The following ANK3 variants were observed in gnomAD, a reference collection of about 807,000 sequenced individuals.
ANK3 encodes ankyrin 3.
In ANK3, 57 loss-of-function variants were observed where a neutral mutation model predicts 370.9. The ratio of observed to expected loss-of-function variants is 0.15; its 90% CI spans 0.12 to 0.19. The LOEUF is 0.19. Among genes scored for constraint, ANK3 ranks in the 10% least tolerant of loss-of-function variants. ANK3 has a pLI of 1.00. For missense variants in ANK3, 4,439 were observed against 5,302.1 expected (o/e 0.84, Z 5.06); for synonymous variants, 1,929 against 1,946.3 (o/e 0.99, Z 0.23).
chr10:60,100,122 T>C (rs2090927740), intron 28 of ANK3, among the ~76,000 whole-genome samples: 3 of 152,182 alleles, frequency 2.0e-5, no homozygotes, highest in African/African-American at 7.2e-5. Context: ...TTCTACTAGT[T>C]TGGGGGACTG....
At chr10:60,212,001 AG>A (rs2096864930) in intron 9 of ANK3, among the ~76,000 whole-genome samples, 1 of 152,048 alleles carries the variant, frequency 6.6e-6, no homozygotes, top group Admixed American at 6.5e-5. Context: ...GTTCTCAGAA[AG>A]GTAACAGAAA....
chr10:60,573,216 C>T (rs1336712156), intron 2 of ANK3, among the ~76,000 whole-genome samples: 1 of 151,758 alleles, frequency 6.6e-6, no homozygotes, highest in Non-Finnish European at 1.5e-5. Flanking sequence ...AGATTTTCTC[C>T]ATGATTACTC....
intron 1 of ANK3, among the ~76,000 whole-genome samples, chr10:60,695,806 T>C (rs188479497): frequency 6.6e-6 from 1 of 151,942 alleles, no homozygotes; most frequent in Admixed American, 6.6e-5. Flanking sequence ...GCAGGAAAGA[T>C]CCAAAATTGA....
chr10:60,128,573 G>T (rs2132163863), intron 25 of ANK3, among the ~76,000 whole-genome samples: 1 of 152,096 alleles, frequency 6.6e-6, no homozygotes, highest in East Asian at 1.9e-4. Context: ...TAGAGACAGG[G>T]TTTCACCATG....
intron 8 of ANK3, among the ~76,000 whole-genome samples, chr10:60,222,619 T>C (rs1314680810): frequency 6.6e-6 from 1 of 152,216 alleles, no homozygotes; most frequent in Admixed American, 6.5e-5. Context: ...CATTCACAGT[T>C]ACTCCTCAGT....
At chr10:60,257,305 T>A (rs2097754135) in intron 7 of ANK3, among the ~76,000 whole-genome samples, 1 of 152,192 alleles carries the variant, frequency 6.6e-6, no homozygotes, top group South Asian at 2.1e-4. Context: ...CCAATGGACA[T>A]GTTAACCAGT....
chr10:60,707,511 T>C lies in ANK3; in HGVS notation c.57+25752A>G, dbSNP rs1007327066. 1.9e-4 allele frequency among the ~76,000 whole-genome samples: 29 copies of C among 152,162 alleles called. No homozygotes were observed. The East Asian group carries it at 5.2e-3, about 27-fold the overall frequency. ...TAATAGAATGTGGCAGAACTACAGATACTCTGACTTGGGCCAGTGTAGAAT... is the reference window on the plus strand; with the variant it reads ...TAATAGAATGTGGCAGAACTACAGACACTCTGACTTGGGCCAGTGTAGAAT... On this transcript the variant is annotated intron_variant, in intron 1 of 43. Coordinates refer to the ANK3 transcript ENST00000373827.
chr10:60,704,112 T>A lies in ANK3; in HGVS notation c.57+29151A>T, dbSNP rs182188136. The stretch of plus-strand genomic sequence containing the variant: ...CATGGAGAGGCTATGTTCTCAGCCC[T>A]TATATCTTGCCTCTTATATCTTATT... On this transcript the variant is annotated intron_variant, in intron 1 of 43. Coordinates refer to the ANK3 transcript ENST00000373827. 3.2e-4 allele frequency among the ~76,000 whole-genome samples: 49 copies of A among 152,356 alleles called. 1 individual carries two copies. In the East Asian group the frequency reaches 8.5e-3, roughly 26 times the overall value.
At chr10:60,154,852 G>C (rs980422667) in intron 23 of ANK3, among the ~76,000 whole-genome samples, 7 of 143,222 alleles carry the variant, frequency 4.9e-5, no homozygotes, top group Non-Finnish European at 1.5e-5. Flanking sequence ...AGAATACACT[G>C]ATACGTTTAC....
At chr10:60,649,306 C>A (rs1024267524) in intron 1 of ANK3, among the ~76,000 whole-genome samples, 4 of 150,666 alleles carry the variant, frequency 2.7e-5, no homozygotes, top group East Asian at 1.9e-4. Flanking sequence ...ACTGTATTAT[C>A]AAAAAAAAAT....
intron 2 of ANK3, among the ~76,000 whole-genome samples, chr10:60,451,808 G>C (rs932302711): frequency 1.3e-5 from 2 of 152,114 alleles, no homozygotes; most frequent in Admixed American, 1.3e-4. Flanking sequence ...GCTACCCTTA[G>C]GCCTAGCCTG....
intron 2 of ANK3, among the ~76,000 whole-genome samples, chr10:60,535,053 C>A (rs1001596395): frequency 2.6e-5 from 4 of 152,120 alleles, no homozygotes; most frequent in Non-Finnish European, 4.4e-5. Context: ...CTCACTGCAG[C>A]TACGGCTCCA....
rs12255209 is a variant in ANK3 at position 60,450,163 on chromosome 10, A to C, written c.96+165023T>G. 2.7e-3 allele frequency among the ~76,000 whole-genome samples: 406 copies of C among 152,114 alleles called. 4 individuals carry two copies. The highest frequency in any genetic ancestry group is 9.5e-3 in the African/African-American group (396 of 41,518). Reference sequence around the variant, plus strand: ...AATAAAAAATTAGCTGGTCATGGTGAAGTGCCTGTATTTCCAGCTACTTGA... The same window carrying C: ...AATAAAAAATTAGCTGGTCATGGTGCAGTGCCTGTATTTCCAGCTACTTGA... On this transcript the variant is annotated intron_variant, in intron 2 of 43. Transcript: ENST00000373827.
At chr10:60,246,495 G>A (rs1364533512) in intron 7 of ANK3, among the ~76,000 whole-genome samples, 3 of 152,170 alleles carry the variant, frequency 2.0e-5, no homozygotes, top group Non-Finnish European at 4.4e-5. Context: ...TGACACCGAA[G>A]ATACTGATGC....
At chr10:60,228,010 C>T (rs2097188989) in intron 8 of ANK3, among the ~76,000 whole-genome samples, 1 of 151,980 alleles carries the variant, frequency 6.6e-6, no homozygotes, top group African/African-American at 2.4e-5. Context: ...TGGTTTTGTC[C>T]AGAGCTGATG....
chr10:60,581,406 AG>A (rs2077749916), intron 2 of ANK3, among the ~76,000 whole-genome samples: 2 of 145,006 alleles, frequency 1.4e-5, no homozygotes, highest in Admixed American at 7.1e-5. Flanking sequence ...CTGCCTATCC[AG>A]GTATTTTGCC....
At chr10:60,180,257 A>T (rs976220549) in intron 18 of ANK3, among the ~76,000 whole-genome samples, 1 of 151,228 alleles carries the variant, frequency 6.6e-6, no homozygotes, top group Admixed American at 6.6e-5. Flanking sequence ...TTTTATTCAC[A>T]ATATTTAGTA....
intron 1 of ANK3, among the ~76,000 whole-genome samples, chr10:60,319,762 T>C (rs2048231317): frequency 6.6e-6 from 1 of 152,060 alleles, no homozygotes. Context: ...TCTAACAAAA[T>C]GTAAAAAAAA....
chr10:60,120,200 C>T lies in ANK3; in HGVS notation c.2842-5869G>A, dbSNP rs192656057. ...TGATTTTTGACAAAGGTGCTAAGAACGTACATTGGAGGAATAATAGTCTCT... is the reference window on the plus strand; with the variant it reads ...TGATTTTTGACAAAGGTGCTAAGAATGTACATTGGAGGAATAATAGTCTCT... On this transcript the variant is annotated intron_variant, in intron 25 of 43. Transcript: ENST00000280772. Among the ~76,000 whole-genome samples, 487 of 152,140 alleles carry T rather than the reference C, an allele frequency of 3.2e-3. 2 individuals are homozygous for T. Among genetic ancestry groups the T allele is most frequent in the African/African-American group, 0.011 (460 of 41,494 alleles).
Sources: gnomAD v4.1 joint callset for allele counts (sites outside exome capture counted in the v4.1 genomes callset) on GRCh38, gnomAD v4.1.1 for gene constraint, MANE v1.5 for transcripts, NCBI Gene and HGNC (gene_info 2026-07-23, HGNC 2026-07-21) for gene names.